TSPAN12: variants seen among roughly 807,000 people sequenced by gnomAD.
TSPAN12 encodes tetraspanin-12.
A neutral mutation model predicts 39.2 loss-of-function variants in TSPAN12; 19 were observed. That is an observed-to-expected ratio of 0.49 (90% CI 0.34 to 0.71). The LOEUF is 0.71. Ranked by LOEUF, TSPAN12 falls within the 30% of genes least tolerant of loss-of-function variation. The pLI is 0.01. For missense variants in TSPAN12, 314 were observed against 359.9 expected (o/e 0.87, Z 1.03); for synonymous variants, 119 against 124.8 (o/e 0.95, Z 0.31).
chr7:120,845,606 C>CT (rs1794656100), intron 2 of TSPAN12, among the ~76,000 whole-genome samples: 2 of 152,196 alleles, frequency 1.3e-5, no homozygotes, highest in Admixed American at 1.3e-4. Context: ...CCACAGATAC[C>CT]TAAAGCAGGG....
intron 7 of TSPAN12, among the ~76,000 whole-genome samples, chr7:120,799,537 TATATAATTA>T (rs1793706016): frequency 1.9e-5 from 2 of 107,820 alleles, no homozygotes; most frequent in African/African-American, 8.1e-5. Flanking sequence ...TATATAATTA[TATATAATTA>T]TATATATAAT....
At chr7:120,801,373 A>G (rs1793767541) in intron 7 of TSPAN12, among the ~76,000 whole-genome samples, 1 of 152,226 alleles carries the variant, frequency 6.6e-6, no homozygotes, top group Non-Finnish European at 1.5e-5. Context: ...CTAAAGAGGC[A>G]TAAATGGGTT....
chr7:120,807,264 T>C (rs1793892342), intron 6 of TSPAN12, among the ~76,000 whole-genome samples: 1 of 152,150 alleles, frequency 6.6e-6, no homozygotes. Context: ...GTAAGATTCT[T>C]GAAATAAATG....
intron 4 of TSPAN12, among the ~76,000 whole-genome samples, chr7:120,830,018 T>G (rs1794361596): frequency 6.6e-6 from 1 of 152,084 alleles, no homozygotes; most frequent in African/African-American, 2.4e-5. Flanking sequence ...CAACATTTAC[T>G]TTTGAAGACA....
At chr7:120,841,969 C>T (rs1443261839) in intron 2 of TSPAN12, among the ~76,000 whole-genome samples, 1 of 152,118 alleles carries the variant, frequency 6.6e-6, no homozygotes, top group Non-Finnish European at 1.5e-5. Context: ...AATGTCTTTC[C>T]TATTTTGATG....
Position 120,856,833 on chromosome 7 carries a change from T to C in TSPAN12, c.-70A>G. The C allele has an allele frequency of 6.5e-7, 1 of 1,535,050 alleles. No homozygotes were observed. Among genetic ancestry groups the C allele is most frequent in the South Asian group, 1.1e-5 (1 of 89,448 alleles). ...ACTCCCAAGGGCAAAACGGCAGCGA[T>C]CTGCAGGGGGCGGGGGAGAGAGAAC... On this transcript the variant is annotated splice_region_variant and 5_prime_UTR_variant, in exon 2 of 8. Coordinates refer to ENST00000222747, the MANE Select transcript of TSPAN12 (RefSeq NM_012338.4).
At chr7:120,814,420 T>C (rs1028480280) in intron 5 of TSPAN12, among the ~76,000 whole-genome samples, 7 of 152,180 alleles carry the variant, frequency 4.6e-5, no homozygotes, top group Non-Finnish European at 1.0e-4. Flanking sequence ...CAATAACGCA[T>C]ATTTTTAAGA....
In TSPAN12 at chr7:120,789,084, A is replaced by C. The variant is rs184262959; in HGVS notation, c.613-187T>G. On this transcript the variant is annotated intron_variant, in intron 7 of 7. Coordinates refer to ENST00000222747, the MANE Select transcript of TSPAN12 (RefSeq NM_012338.4). ...AGAGGGAGGTGTGTAGCTTTTGAAA[A>C]GCCTGTCCAGCTGATTCCAATGAGC... 3.8e-4 allele frequency among the ~76,000 whole-genome samples: 58 copies of C among 152,316 alleles called. No homozygotes were observed. In the East Asian group the frequency reaches 0.011, roughly 28 times the overall value.
rs1794881235 is a variant in TSPAN12, at chr7:120,856,824, C to T, written c.-61G>A. On this transcript the variant is annotated 5_prime_UTR_variant, in exon 2 of 8. Transcript: ENST00000222747. Reference sequence around the variant, plus strand: ...CCACATCCTACTCCCAAGGGCAAAACGGCAGCGATCTGCAGGGGGCGGGGG... The same window carrying T: ...CCACATCCTACTCCCAAGGGCAAAATGGCAGCGATCTGCAGGGGGCGGGGG... The T allele has an allele frequency of 6.4e-7, 1 of 1,570,626 alleles. No homozygotes were observed.
chr7:120,842,152 C>T (rs1021691510), intron 2 of TSPAN12, among the ~76,000 whole-genome samples: 7 of 152,134 alleles, frequency 4.6e-5, no homozygotes, highest in Non-Finnish European at 7.3e-5. Context: ...AATGAGTCTG[C>T]GCTAACTCAG....
chr7:120,848,347 G>A (rs1386814261), intron 2 of TSPAN12, among the ~76,000 whole-genome samples: 1 of 152,140 alleles, frequency 6.6e-6, no homozygotes, highest in Non-Finnish European at 1.5e-5. Context: ...CCATCACACA[G>A]AAAAGTACCA....
At chr7:120,850,041 G>T (rs1794741546) in intron 2 of TSPAN12, among the ~76,000 whole-genome samples, 1 of 152,204 alleles carries the variant, frequency 6.6e-6, no homozygotes, top group South Asian at 2.1e-4. Context: ...CCCTCTACCA[G>T]GGGAAGGGCA....
intron 4 of TSPAN12, among the ~76,000 whole-genome samples, chr7:120,825,936 G>A (rs908986461): frequency 1.3e-5 from 2 of 152,078 alleles, no homozygotes; most frequent in Non-Finnish European, 2.9e-5. Context: ...AATCAGGTCA[G>A]CCTGATTTAG....
In TSPAN12 at chr7:120,815,710, A is replaced by T; in HGVS notation, c.360+19T>A. 6.2e-7 allele frequency: 1 copy of T among 1,602,236 alleles called. No homozygotes were observed. Among genetic ancestry groups the T allele is most frequent in the Non-Finnish European group, 8.5e-7 (1 of 1,170,940 alleles). ...TGAACTGTTGTTTTAGATTGTGATTATATCTATTTTGAACTCACCATAAGT... is the reference window on the plus strand; with the variant it reads ...TGAACTGTTGTTTTAGATTGTGATTTTATCTATTTTGAACTCACCATAAGT... On this transcript the variant is annotated intron_variant, in intron 5 of 7. Coordinates refer to ENST00000222747, the MANE Select transcript of TSPAN12 (RefSeq NM_012338.4).
chr7:120,799,520 T>TTAATTATATA (rs1176511212), intron 7 of TSPAN12, among the ~76,000 whole-genome samples: 1 of 120,738 alleles, frequency 8.3e-6, no homozygotes, highest in African/African-American at 3.3e-5. Flanking sequence ...TTATATATAA[T>TTAATTATATA]TAATTATATA....
intron 7 of TSPAN12, among the ~76,000 whole-genome samples, chr7:120,805,820 C>T (rs1005293942): frequency 5.9e-5 from 9 of 152,046 alleles, no homozygotes; most frequent in Non-Finnish European, 4.4e-5. Context: ...AATGGCCACA[C>T]GTAGCTATTT....
rs116732648 is a variant in TSPAN12, at chr7:120,821,490, G to A, written c.286-5687C>T. ...GGCTTTGAAATAAAAAATAGACCTG[G>A]CTTCAGATTTTGGCTACTTGACATA... On this transcript the variant is annotated intron_variant, in intron 4 of 7. Coordinates refer to ENST00000222747, the MANE Select transcript of TSPAN12 (RefSeq NM_012338.4). Among the ~76,000 whole-genome samples, 796 of 151,762 alleles carry A rather than the reference G, an allele frequency of 5.2e-3. 10 individuals carry two copies. Among genetic ancestry groups the A allele is most frequent in the African/African-American group, 0.018 (759 of 41,418 alleles).
At chr7:120,824,023 T>C (rs778392476) in intron 4 of TSPAN12, among the ~76,000 whole-genome samples, 4 of 152,052 alleles carry the variant, frequency 2.6e-5, no homozygotes, top group Non-Finnish European at 4.4e-5. Context: ...TGAGTGGAGA[T>C]TGGAAATATT....
intron 7 of TSPAN12, among the ~76,000 whole-genome samples, chr7:120,789,778 C>A (rs1262040787): frequency 6.6e-6 from 1 of 152,124 alleles, no homozygotes; most frequent in Non-Finnish European, 1.5e-5. Context: ...TAGACATAGA[C>A]AAGCAAGCTG....
Sources: allele counts gnomAD v4.1 joint callset (sites outside exome capture counted in the v4.1 genomes callset), GRCh38; gene constraint gnomAD v4.1.1; transcripts MANE v1.5; gene names NCBI Gene and HGNC (gene_info 2026-07-23, HGNC 2026-07-21).